The following MYOM1 variants were observed in gnomAD, a reference collection of about 807,000 sequenced individuals.
MYOM1 encodes the protein myomesin-1.
In MYOM1, 164 loss-of-function variants were observed where a neutral mutation model predicts 205.3. That is an observed-to-expected ratio of 0.80 (90% CI 0.70 to 0.91). The LOEUF (loss-of-function observed/expected upper bound fraction) is 0.91, where lower values mean the gene tolerates loss of function less well. MYOM1 is among the 40% of genes least tolerant of loss of function. The pLI is 0.00. For missense variants in MYOM1, 2,011 were observed against 2,127.3 expected (o/e 0.95, Z 1.08); for synonymous variants, 772 against 789.4 (o/e 0.98, Z 0.37).
At chr18:3,081,205 CT>C (rs1360209035) in intron 33 of MYOM1, among the ~76,000 whole-genome samples, 2 of 151,772 alleles carry the variant, frequency 1.3e-5, no homozygotes, top group Non-Finnish European at 2.9e-5. Flanking sequence ...TGTTTTAAAT[CT>C]TTAATCTCTG....
chr18:3,174,653 C>T (rs1057035481), intron 6 of MYOM1, among the ~76,000 whole-genome samples: 4 of 152,184 alleles, frequency 2.6e-5, no homozygotes, highest in African/African-American at 9.7e-5. Context: ...TTCCTGCTGT[C>T]CTGCCCTTGT....
chr18:3,180,269 C>A (rs1036671842), intron 5 of MYOM1, among the ~76,000 whole-genome samples: 6 of 152,182 alleles, frequency 3.9e-5, no homozygotes, highest in Non-Finnish European at 8.8e-5. Flanking sequence ...CTATTATCAC[C>A]ACATGGCAAG....
At chr18:3,117,543 T>C (rs2079624447) in intron 20 of MYOM1, among the ~76,000 whole-genome samples, 1 of 152,238 alleles carries the variant, frequency 6.6e-6, no homozygotes, top group Non-Finnish European at 1.5e-5. Context: ...AGCCAAAATG[T>C]GGCCTGTATG....
At chr18:3,130,873 G>C (rs984939101) in intron 17 of MYOM1, among the ~76,000 whole-genome samples, 4 of 152,148 alleles carry the variant, frequency 2.6e-5, no homozygotes, top group Non-Finnish European at 5.9e-5. Flanking sequence ...TATTCTGTTG[G>C]TTACTTTGCA....
At chr18:3,122,032 T>C (rs550455774) in intron 19 of MYOM1, among the ~76,000 whole-genome samples, 131 of 152,236 alleles carry the variant, frequency 8.6e-4, no homozygotes, top group Non-Finnish European at 1.5e-3. Context: ...GGCACGGGAA[T>C]TGTTTGAACC....
chr18:3,085,991 G>C (rs1184361865), intron 30 of MYOM1, 47 bp downstream of exon 30: 2 of 1,209,352 alleles, frequency 1.7e-6, no homozygotes, highest in East Asian at 2.3e-5. Flanking sequence ...GGGTAAGATA[G>C]AGGGTAGAGA....
At chr18:3,124,365 C>A (rs117261054) in intron 19 of MYOM1, among the ~76,000 whole-genome samples, 2 of 141,538 alleles carry the variant, frequency 1.4e-5, no homozygotes, top group Non-Finnish European at 3.0e-5. Context: ...CAGTGGCGTG[C>A]GATCTTGGCT....
rs566481853 is a variant in MYOM1, at chr18:3,187,617, A to G, written c.792T>C (p.Tyr264=). The G allele has an allele frequency of 1.1e-5, 17 of 1,608,452 alleles. No homozygotes were observed. The East Asian group carries it at 2.7e-4, about 25-fold the overall frequency. ...LRKTLEETET[Y]HAKLNEDHLL... ...GATGGTCTTCATTCAGCTTGGCATG[A>G]TATGTCTCGGTTTCTTCTAACTGAA... The change falls in exon 5 of 38, where the codon TAT becomes TAC. Residue 264 remains tyrosine (Y), a synonymous_variant. Transcript: ENST00000356443.
intron 10 of MYOM1, among the ~76,000 whole-genome samples, chr18:3,162,989 G>A (rs530948229): frequency 0.026 from 1,913 of 72,958 alleles, 38 homozygotes; most frequent in African/African-American, 0.084. Flanking sequence ...TCAAGCCACT[G>A]CACTGCACTC....
the MYOM1 span, among the ~76,000 whole-genome samples, chr18:3,228,511 G>GT: frequency 0.041 from 6,167 of 149,662 alleles, 368 homozygotes; most frequent in African/African-American, 0.14. The surrounding 1 kb of genome is among the most constrained non-coding windows in gnomAD (Gnocchi z 4.5). Context: ...AAATCATATG[G>GT]TTTTTTTTTT....
At chr18:3,233,535 GC>G in the MYOM1 span, among the ~76,000 whole-genome samples, 2 of 152,184 alleles carry the variant, frequency 1.3e-5, no homozygotes, top group African/African-American at 4.8e-5. Flanking sequence ...CCCTGGTAAA[GC>G]CCCTCCAAAC....
chr18:3,072,772 C>T (rs536547945), intron 36 of MYOM1, among the ~76,000 whole-genome samples: 4 of 152,050 alleles, frequency 2.6e-5, no homozygotes, highest in Non-Finnish European at 5.9e-5. Context: ...TATCAAGACC[C>T]GCTCTATCAT....
Position 3,100,096 on chromosome 18 carries a change from T to G in MYOM1, c.3727+63A>C, listed in dbSNP as rs1598668990. 4 of 1,517,864 alleles carry G rather than the reference T, an allele frequency of 2.6e-6. No homozygotes were observed. In the East Asian group the frequency reaches 9.0e-5, roughly 34 times the overall value. 94.0% of individuals were successfully genotyped at this position (1,517,864 alleles called of 1,614,324 possible). A position where few individuals can be genotyped will look rare whatever the true frequency, so the allele number is the denominator to read the frequency against. On this transcript the variant is annotated intron_variant, in intron 25 of 37. Coordinates refer to ENST00000356443, the MANE Select transcript of MYOM1 (RefSeq NM_003803.4). ...ATCCCATCAGAGCTGTCATCTGATC[T>G]ATTCCAGAAGTTGCTGCCTAGTAAG...
At chr18:3,067,695 C>G (rs2078913547) in intron 37 of MYOM1, 140 bp from the exon 38 acceptor site, 1 of 829,394 alleles carries the variant, frequency 1.2e-6, no homozygotes, top group South Asian at 1.8e-5. Context: ...TAAAGTAGTT[C>G]TGTGTATGCA....
intron 17 of MYOM1, 29 bp from the exon 18 acceptor site, chr18:3,129,548 CAT>C: frequency 6.3e-7 from 1 of 1,588,514 alleles, no homozygotes; most frequent in East Asian, 2.2e-5. Context: ...AACAGAAACG[CAT>C]TGAGCCCGGA....
chr18:3,164,937 A>G lies in MYOM1; in HGVS notation c.1340-498T>C, dbSNP rs138817845. On this transcript the variant is annotated intron_variant, in intron 9 of 37. Coordinates refer to ENST00000356443, the MANE Select transcript of MYOM1 (RefSeq NM_003803.4). ...GTCATCAAAATTTATACTTTTAGCA[A>G]CTTCATTTTAAATCAATATAATCAA... Among the ~76,000 whole-genome samples the G allele has an allele frequency of 6.7e-3, 829 of 124,356 alleles. 4 individuals carry two copies. The highest frequency in any genetic ancestry group is 0.023 in the African/African-American group (796 of 33,880). 81.6% of individuals were successfully genotyped at this position (124,356 alleles called of 152,430 possible).
intron 2 of MYOM1, among the ~76,000 whole-genome samples, chr18:3,195,388 G>T: frequency 6.6e-6 from 1 of 152,196 alleles, no homozygotes; most frequent in East Asian, 1.9e-4. Context: ...GGTGACATTT[G>T]TTCCTGGCCA....
chr18:3,211,495 G>C (rs2081190427), intron 2 of MYOM1, among the ~76,000 whole-genome samples: 1 of 152,172 alleles, frequency 6.6e-6, no homozygotes, highest in Non-Finnish European at 1.5e-5. Context: ...ACCATTCATG[G>C]ACAGAGGTTA....
chr18:3,130,873 GTTACT>G (rs202104466), intron 17 of MYOM1, among the ~76,000 whole-genome samples: 1,573 of 152,266 alleles, frequency 0.01, 14 homozygotes, highest in Middle Eastern at 0.024. Context: ...TATTCTGTTG[GTTACT>G]TTGCAAGCAA....
Sources: allele counts gnomAD v4.1 joint callset (sites outside exome capture counted in the v4.1 genomes callset), GRCh38; gene constraint gnomAD v4.1.1; non-coding constraint Gnocchi (gnomAD v3.1); transcripts MANE v1.5; gene names NCBI Gene and HGNC (gene_info 2026-07-23, HGNC 2026-07-21).